FABP12: variants seen among roughly 807,000 people sequenced by gnomAD.
FABP12 encodes fatty acid binding protein 12.
Under a neutral mutation model 13.7 loss-of-function variants are expected in FABP12, and 19 were observed. The observed-to-expected ratio is 1.39, with a 90% CI of 0.97 to 2.04. The LOEUF is 2.04. Among genes scored for constraint, FABP12 ranks in the 30% most tolerant of loss-of-function variants. The pLI, the probability that FABP12 is intolerant of heterozygous loss-of-function variation, is 0.00. For missense variants in FABP12, 182 were observed against 164.2 expected (o/e 1.11, Z -0.59); for synonymous variants, 61 against 57.0 (o/e 1.07, Z -0.32).
intron 1 of FABP12, among the ~76,000 whole-genome samples, chr8:81,560,529 C>A (rs1809705627): frequency 6.6e-6 from 1 of 152,102 alleles, no homozygotes; most frequent in Admixed American, 6.6e-5. Flanking sequence ...GACAGGCCAT[C>A]CCCCCATCAG....
intron 1 of FABP12, among the ~76,000 whole-genome samples, chr8:81,561,172 T>C (rs970223726): frequency 5.3e-5 from 8 of 152,216 alleles, no homozygotes; most frequent in Admixed American, 1.3e-4. Flanking sequence ...CAAGTCCTAA[T>C]TGTTCTCAGT....
chr8:81,582,348 C>T (rs958929085), intron 1 of FABP12, among the ~76,000 whole-genome samples: 2 of 151,834 alleles, frequency 1.3e-5, no homozygotes, highest in African/African-American at 4.8e-5. Flanking sequence ...GTCTCAAACT[C>T]CTGACCTTGT....
chr8:81,578,647 G>A lies in FABP12; in HGVS notation c.-185+11406C>T, dbSNP rs186639799. On this transcript the variant is annotated intron_variant, in intron 1 of 5. Coordinates refer to the FABP12 transcript ENST00000692030. ...ACTACAGGCACACGCCACCATGCCC[G>A]GCTAATTTTTGTAGTTTTAGTAGAG... 4.6e-3 allele frequency among the ~76,000 whole-genome samples: 684 copies of A among 148,400 alleles called. 5 individuals carry two copies. Among genetic ancestry groups the A allele is most frequent in the South Asian group, 0.012 (56 of 4,638 alleles).
chr8:81,588,198 G>A (rs1240195455), intron 1 of FABP12, among the ~76,000 whole-genome samples: 1 of 152,104 alleles, frequency 6.6e-6, no homozygotes, highest in African/African-American at 2.4e-5. Flanking sequence ...ACAATACTTT[G>A]CATCCTTCAA....
intron 4 of FABP12, chr8:81,526,281 T>C (rs895803970): frequency 2.0e-5 from 3 of 152,078 alleles, no homozygotes; most frequent in African/African-American, 7.2e-5. Context: ...TAGGTGGGGG[T>C]TTGGGAGAAG....
chr8:81,584,415 A>G (rs1347449268), intron 1 of FABP12, among the ~76,000 whole-genome samples: 3 of 152,236 alleles, frequency 2.0e-5, no homozygotes, highest in Non-Finnish European at 2.9e-5. Context: ...AAAGGTAAGT[A>G]AGCAAAAGAT....
chr8:81,587,604 C>T (rs968869017), intron 1 of FABP12, among the ~76,000 whole-genome samples: 7 of 152,004 alleles, frequency 4.6e-5, no homozygotes, highest in Non-Finnish European at 1.0e-4. Context: ...AATGCCCAAA[C>T]TGAGAGCCAA....
At chr8:81,556,879 C>A (rs371073425) in intron 1 of FABP12, among the ~76,000 whole-genome samples, 23 of 109,260 alleles carry the variant, frequency 2.1e-4, no homozygotes, top group African/African-American at 8.3e-4. Flanking sequence ...AAGTGTACAT[C>A]TTTTTTTTTT....
chr8:81,574,781 G>A (rs1034889293), intron 1 of FABP12, among the ~76,000 whole-genome samples: 2 of 152,172 alleles, frequency 1.3e-5, no homozygotes, highest in Admixed American at 1.3e-4. Flanking sequence ...TATTAGAGTC[G>A]TGTCAGTCGT....
At chr8:81,529,529 A>C (rs767971898) in exon 3 of FABP12, 1 of 1,613,894 alleles carries the variant, frequency 6.2e-7, no homozygotes, top group East Asian at 2.2e-5. Flanking sequence ...TTTGGTTTTT[A>C]TTGTGATGAC....
intron 1 of FABP12, among the ~76,000 whole-genome samples, chr8:81,589,368 G>A (rs1024484159): frequency 6.6e-6 from 1 of 152,066 alleles, no homozygotes; most frequent in Non-Finnish European, 1.5e-5. Flanking sequence ...ACCAACCTGG[G>A]CAACATAGTG....
At chr8:81,560,974 G>A (rs1458672186) in intron 1 of FABP12, among the ~76,000 whole-genome samples, 1 of 152,166 alleles carries the variant, frequency 6.6e-6, no homozygotes, top group Non-Finnish European at 1.5e-5. Context: ...GGGCAAAGGA[G>A]GGAAGGTGAC....
intron 1 of FABP12, among the ~76,000 whole-genome samples, chr8:81,589,344 C>G (rs932472419): frequency 1.6e-4 from 24 of 152,098 alleles, no homozygotes; most frequent in African/African-American, 4.8e-5. Context: ...ACTGCTTGAG[C>G]CTAGGAGTTT....
chr8:81,577,798 A>G (rs1810078397), intron 1 of FABP12, among the ~76,000 whole-genome samples: 1 of 152,160 alleles, frequency 6.6e-6, no homozygotes, highest in African/African-American at 2.4e-5. Context: ...TCTTTCAGGG[A>G]CACAATTTAT....
At chr8:81,559,436 G>T (rs375561264) in intron 1 of FABP12, among the ~76,000 whole-genome samples, 4 of 152,202 alleles carry the variant, frequency 2.6e-5, no homozygotes, top group African/African-American at 7.2e-5. Context: ...TAGATCTTAC[G>T]TTCTTTTCAT....
intron 1 of FABP12, among the ~76,000 whole-genome samples, chr8:81,580,109 G>C (rs1810132657): frequency 6.6e-6 from 1 of 152,156 alleles, no homozygotes; most frequent in Admixed American, 6.5e-5. Flanking sequence ...GTCAACAGCT[G>C]TCAGCTCCTG....
chr8:81,571,510 T>C (rs766790011), intron 1 of FABP12, among the ~76,000 whole-genome samples: 1 of 152,236 alleles, frequency 6.6e-6, no homozygotes, highest in South Asian at 2.1e-4. Flanking sequence ...TCCCCCACTG[T>C]GGATGGCCTG....
chr8:81,527,050 C>T (rs368067152), exon 4 of FABP12: 200 of 1,610,942 alleles, frequency 1.2e-4, no homozygotes, highest in African/African-American at 8.1e-4. Context: ...CCAGCTTTCT[C>T]GTTATGGTGG....
At chr8:81,587,794 G>A (rs1810264666) in intron 1 of FABP12, among the ~76,000 whole-genome samples, 1 of 152,004 alleles carries the variant, frequency 6.6e-6, no homozygotes, top group African/African-American at 2.4e-5. Context: ...TAAATAAACG[G>A]GAGTTTATTA....
Sources: gnomAD v4.1 joint callset for allele counts (sites outside exome capture counted in the v4.1 genomes callset) on GRCh38, gnomAD v4.1.1 for gene constraint, MANE v1.5 for transcripts, NCBI Gene and HGNC (gene_info 2026-07-23, HGNC 2026-07-21) for gene names.